The following DGKB variants were observed in gnomAD, a reference collection of about 807,000 sequenced individuals.
DGKB encodes the protein 90 kDa diacylglycerol kinase.
Under a neutral mutation model 114.3 loss-of-function variants are expected in DGKB, and 67 were observed. That is an observed-to-expected ratio of 0.59 (90% CI 0.48 to 0.72). DGKB has a LOEUF of 0.72. DGKB is among the 30% of genes least tolerant of loss of function. DGKB has a pLI of 0.00. For synonymous variants in DGKB, 398 were observed against 323.1 expected (o/e 1.23, Z -2.49); for missense variants, 907 against 975.2 (o/e 0.93, Z 0.93).
chr7:14,735,823 C>G (rs1193110248), intron 5 of DGKB, among the ~76,000 whole-genome samples: 2 of 152,012 alleles, frequency 1.3e-5, no homozygotes, highest in Non-Finnish European at 2.9e-5. Flanking sequence ...ACATAGAATT[C>G]TAAAGCAAGT....
chr7:14,726,210 G>A (rs1157019357), intron 5 of DGKB, among the ~76,000 whole-genome samples: 2 of 152,044 alleles, frequency 1.3e-5, no homozygotes, highest in African/African-American at 4.8e-5. Flanking sequence ...CGCAATCTGG[G>A]CTCATGGCAA....
At chr7:14,227,126 T>C (rs1790927513) in intron 23 of DGKB, among the ~76,000 whole-genome samples, 1 of 152,096 alleles carries the variant, frequency 6.6e-6, no homozygotes, top group South Asian at 2.1e-4. Flanking sequence ...AGCTATTTGA[T>C]GAGAAGTCCA....
chr7:14,775,805 T>C (rs754042643), intron 2 of DGKB, among the ~76,000 whole-genome samples: 15 of 152,006 alleles, frequency 9.9e-5, no homozygotes, highest in Non-Finnish European at 1.6e-4. Context: ...TATGTTTCTA[T>C]TAGTAGTGTG....
intron 2 of DGKB, among the ~76,000 whole-genome samples, chr7:14,828,156 G>T (rs1253486019): frequency 6.6e-6 from 1 of 152,064 alleles, no homozygotes; most frequent in Non-Finnish European, 1.5e-5. Flanking sequence ...ATACTAGAAA[G>T]TTTTTTAAAA....
At chr7:14,610,525 A>G (rs1462797299) in intron 16 of DGKB, among the ~76,000 whole-genome samples, 1 of 152,108 alleles carries the variant, frequency 6.6e-6, no homozygotes, top group Non-Finnish European at 1.5e-5. Context: ...AGATTTTTTT[A>G]AAGTTAAGGG....
rs200571285 is a variant in DGKB at position 14,718,532 on chromosome 7, A to G, written c.466+10T>C. The G allele has an allele frequency of 2.5e-4, 401 of 1,597,132 alleles. No homozygotes were observed. The highest frequency in any genetic ancestry group is 1.5e-3 in the Middle Eastern group (9 of 5,996). ...ATCACGATAAGTAAACAAAATGAAG[A>G]AACACATACACTCAAGCTTATCCTC... On this transcript the variant is annotated intron_variant, in intron 6 of 25. Coordinates refer to ENST00000402815, the MANE Select transcript of DGKB (RefSeq NM_001350709.2).
At chr7:14,241,955 TATACACAC>T (rs751804368) in intron 23 of DGKB, among the ~76,000 whole-genome samples, 17 of 75,240 alleles carry the variant, frequency 2.3e-4, no homozygotes, top group African/African-American at 1.6e-3. Flanking sequence ...CACACACACA[TATACACAC>T]ACACACACAC....
At chr7:14,297,779 A>C (rs1048817704) in intron 23 of DGKB, among the ~76,000 whole-genome samples, 1 of 152,176 alleles carries the variant, frequency 6.6e-6, no homozygotes, top group Non-Finnish European at 1.5e-5. Context: ...CTGGCTGCAG[A>C]CGACATGATT....
chr7:14,215,549 A>C (rs1179629003), intron 23 of DGKB, among the ~76,000 whole-genome samples: 1 of 152,204 alleles, frequency 6.6e-6, no homozygotes, highest in Non-Finnish European at 1.5e-5. Context: ...AAGTACAATT[A>C]GCATACAAAT....
chr7:14,177,664 C>T (rs898872126), intron 24 of DGKB, among the ~76,000 whole-genome samples: 1 of 151,564 alleles, frequency 6.6e-6, no homozygotes, highest in African/African-American at 2.4e-5. Context: ...GCACTTTAGT[C>T]CATGAAATGA....
At chr7:14,920,367 T>C (rs750554766) in intron 1 of DGKB, among the ~76,000 whole-genome samples, 10 of 152,158 alleles carry the variant, frequency 6.6e-5, no homozygotes, top group Non-Finnish European at 1.2e-4. Flanking sequence ...AAAGAAGGTA[T>C]ACAGATGGCA....
At chr7:14,588,301 A>G (rs895076527) in intron 17 of DGKB, among the ~76,000 whole-genome samples, 5 of 151,954 alleles carry the variant, frequency 3.3e-5, no homozygotes, top group Admixed American at 6.6e-5. Context: ...ACAAATTTAA[A>G]GTTTTTTCTT....
intron 2 of DGKB, among the ~76,000 whole-genome samples, chr7:14,799,227 C>T (rs925849151): frequency 1.3e-5 from 2 of 152,208 alleles, no homozygotes; most frequent in Non-Finnish European, 2.9e-5. Flanking sequence ...TTCTCCATCC[C>T]TGTCCATAAA....
intron 23 of DGKB, among the ~76,000 whole-genome samples, chr7:14,307,875 G>T (rs1804744970): frequency 6.6e-6 from 1 of 151,958 alleles, no homozygotes; most frequent in South Asian, 2.1e-4. Flanking sequence ...CTTAAATTAT[G>T]TGGAAGTTTC....
At chr7:14,417,028 A>C (rs1204938222) in intron 21 of DGKB, among the ~76,000 whole-genome samples, 1 of 152,092 alleles carries the variant, frequency 6.6e-6, no homozygotes, top group Non-Finnish European at 1.5e-5. Flanking sequence ...CATGTTCTTG[A>C]TTATAAAGAT....
rs1784635393 is a variant in DGKB at position 14,924,034 on chromosome 7, T to C, written c.-188+50662A>G. On this transcript the variant is annotated intron_variant, in intron 1 of 4. Coordinates refer to the DGKB transcript ENST00000437998. ...TGTCCTATTCTCACAATAAAGTTTC[T>C]GAATATGACCTGAAGGCAGAAGGCA... Among the ~76,000 whole-genome samples, 4 of 144,480 alleles carry C rather than the reference T, an allele frequency of 2.8e-5. No individual in the cohort carries two copies. The South Asian group carries it at 9.1e-4, about 33-fold the overall frequency. 94.8% of individuals were successfully genotyped at this position (144,480 alleles called of 152,430 possible).
At chr7:14,752,557 C>G (rs927630146) in intron 4 of DGKB, among the ~76,000 whole-genome samples, 1 of 152,156 alleles carries the variant, frequency 6.6e-6, no homozygotes, top group African/African-American at 2.4e-5. Flanking sequence ...GTAATATGTG[C>G]AGGCTGTCAT....
At chr7:14,888,214 A>T (rs1031958320) in intron 1 of DGKB, among the ~76,000 whole-genome samples, 1 of 151,786 alleles carries the variant, frequency 6.6e-6, no homozygotes, top group Non-Finnish European at 1.5e-5. Context: ...GCATACTGAT[A>T]GCAGATGGTA....
chr7:14,420,435 G>A (rs1193489853), intron 21 of DGKB, among the ~76,000 whole-genome samples: 2 of 151,994 alleles, frequency 1.3e-5, no homozygotes, highest in African/African-American at 4.8e-5. Flanking sequence ...TTTAGAGTAA[G>A]TTTTGGTAAA....
Sources: gnomAD v4.1 joint callset for allele counts (sites outside exome capture counted in the v4.1 genomes callset) on GRCh38, gnomAD v4.1.1 for gene constraint, MANE v1.5 for transcripts, NCBI Gene and HGNC (gene_info 2026-07-23, HGNC 2026-07-21) for gene names.